MED24: variants seen among roughly 807,000 people sequenced by gnomAD.
The protein encoded by MED24 is mediator complex subunit 24, also known as mediator of RNA polymerase II transcription subunit 24.
Under a neutral mutation model 118.8 loss-of-function variants are expected in MED24, and 74 were observed. That is an observed-to-expected ratio of 0.62 (90% CI 0.52 to 0.76). The LOEUF (loss-of-function observed/expected upper bound fraction) is 0.76, where lower values mean the gene tolerates loss of function less well. Among genes scored for constraint, MED24 ranks in the 30% least tolerant of loss-of-function variants. MED24 has a pLI of 0.00. For synonymous variants in MED24, 521 were observed against 523.9 expected, an observed-to-expected ratio of 0.99 and a Z score of 0.08; for missense variants, 1,041 against 1,278.9, an observed-to-expected ratio of 0.81 and a Z score of 2.84.
In MED24 at chr17:40,019,181, C is replaced by T; in HGVS notation, c.*348G>A. The stretch of plus-strand genomic sequence containing the variant: ...ATATTACAAAATACACACAAACACA[C>T]ACACACACACACACACACACACATA... On this transcript the variant is annotated 3_prime_UTR_variant, in exon 26 of 26. Transcript: ENST00000394128. 4.7e-6 allele frequency: 1 copy of T among 213,200 alleles called. No homozygotes were observed. Among genetic ancestry groups the T allele is most frequent in the South Asian group, 1.1e-4 (1 of 9,192 alleles). The allele number at this position is 213,200 out of a possible 1,614,324, so 13.2% of individuals were successfully genotyped here.
chr17:40,028,038 A>G, intron 14 of MED24, 92 bp from the exon 15 acceptor site: 1 of 1,293,400 alleles, frequency 7.7e-7, no homozygotes, highest in Non-Finnish European at 1.1e-6. Context: ...AGCGATAGCT[A>G]GAGTCTGAGT....
In MED24 at chr17:40,022,031, CA is replaced by C; in HGVS notation, c.2546del (p.Leu849ArgfsTer9). 1 of 1,610,920 alleles carries C rather than the reference CA, an allele frequency of 6.2e-7. No individual in the cohort carries two copies. Among genetic ancestry groups the C allele is most frequent in the Non-Finnish European group, 8.5e-7 (1 of 1,178,444 alleles). On this transcript the variant is annotated frameshift_variant, in exon 23 of 26. Transcript: ENST00000394128. LOFTEE classifies it high-confidence loss of function. ...TCAACTTCGAAGGCTGCACATCGTC[CA>C]GGGGGAAGAGGCTGATATAATCCTA... ...DIEDYISLFPLDDVQPSKLMR... is the reference protein window; with the variant it reads ...DIEDYISLFPXDDVQPSKLMR...
In MED24 at chr17:40,020,290, G is replaced by A. The variant is rs765522083; in HGVS notation, c.2687C>T (p.Pro896Leu). The A allele has an allele frequency of 7.0e-6, 11 of 1,564,444 alleles. No individual in the cohort carries two copies. Among genetic ancestry groups the A allele is most frequent in the Non-Finnish European group, 9.5e-6 (11 of 1,155,716 alleles). ...SQLHTVNMRD[P>L]LNRVLANLFL... Reference sequence around the variant, plus strand: ...GAACTCACCCAGGACTCGGTTCAGAGGGTCCCGCATGTTGACCGTGTGGAG... The same window carrying A: ...GAACTCACCCAGGACTCGGTTCAGAAGGTCCCGCATGTTGACCGTGTGGAG... Residue 896 changes from proline to leucine, a missense_variant, in exon 24 of 26, where the codon CCT (proline) becomes CTT (leucine). Pro to Leu is a moderately conservative substitution (Grantham distance 98). Around this residue, in one of 3 missense-constraint regions of MED24, gnomAD observed 587 missense variants for 694.4 expected, o/e 0.85. Transcript: ENST00000394128.
chr17:40,050,277 C>T (rs772649302), intron 3 of MED24, among the ~76,000 whole-genome samples: 2 of 151,404 alleles, frequency 1.3e-5, no homozygotes, highest in African/African-American at 2.4e-5. Flanking sequence ...AGTAAAACCC[C>T]GTCTCTACTA....
intron 13 of MED24, among the ~76,000 whole-genome samples, chr17:40,029,424 C>T (rs1181739229): frequency 6.6e-6 from 1 of 152,192 alleles, no homozygotes; most frequent in Non-Finnish European, 1.5e-5. Flanking sequence ...TCTCAAACTC[C>T]TGACCTCAAG....
chr17:40,032,265 G>A, intron 9 of MED24, 175 bp from the exon 10 acceptor site: 1 of 694,836 alleles, frequency 1.4e-6, no homozygotes, highest in Non-Finnish European at 2.4e-6. Context: ...CCAGGCCCCT[G>A]ATGCCCCCAG....
At chr17:40,023,868 G>A (rs1294840935) in intron 19 of MED24, among the ~76,000 whole-genome samples, 2 of 152,172 alleles carry the variant, frequency 1.3e-5, no homozygotes, top group Non-Finnish European at 2.9e-5. Context: ...CCTGGTAGCT[G>A]GGCAGATAGA....
chr17:40,037,926 GA>G (rs1984136718), intron 3 of MED24, among the ~76,000 whole-genome samples: 1 of 146,844 alleles, frequency 6.8e-6, no homozygotes, highest in South Asian at 2.2e-4. Context: ...AAAAAAAAAA[GA>G]AATGTCACAC....
chr17:40,023,043 C>T, intron 20 of MED24, 88 bp downstream of exon 20: 1 of 1,522,456 alleles, frequency 6.6e-7, no homozygotes, highest in Non-Finnish European at 8.9e-7. Context: ...TCACGGCAGC[C>T]TCTCAGGGAA....
chr17:40,021,287 G>A (rs1241204067), intron 23 of MED24: 1 of 152,312 alleles, frequency 6.6e-6, no homozygotes, highest in East Asian at 1.9e-4. Flanking sequence ...TCAGTCGCTA[G>A]CTAAAGGTCA....
chr17:40,020,228 C>T (rs781380796), intron 24 of MED24, 45 bp downstream of exon 24: 9 of 1,455,470 alleles, frequency 6.2e-6, no homozygotes, highest in South Asian at 2.8e-5. Flanking sequence ...AAGAGAGACT[C>T]GTCCAGCTTA....
At position 40,048,080 on chromosome 17, in the gene MED24, G is replaced by A. The variant is rs927474088; in HGVS notation, c.213+5218C>T. 1.2e-4 allele frequency among the ~76,000 whole-genome samples: 18 copies of A among 152,188 alleles called. 1 individual carries two copies. Among genetic ancestry groups the A allele is most frequent in the African/African-American group, 2.7e-4 (11 of 41,450 alleles). On this transcript the variant is annotated intron_variant, in intron 3 of 25. Coordinates refer to ENST00000394128, the MANE Select transcript of MED24 (RefSeq NM_014815.4). ...TTAATTAAAATATGTATATTTTTAC[G>A]GAAGTCTTGTCATGTGACGCCTCCA...
At position 40,028,030 on chromosome 17, in the gene MED24, C is replaced by T. The variant is rs117214949; in HGVS notation, c.1410-84G>A. On this transcript the variant is annotated intron_variant, in intron 14 of 25. Transcript: ENST00000394128. ...GCTGGGGCTACACATGTTCAGAGAG[C>T]GATAGCTAGAGTCTGAGTTACTGGT... 23,180 of 1,365,020 alleles carry T rather than the reference C, an allele frequency of 0.017. 3,110 individuals are homozygous for T. In the Admixed American group the frequency reaches 0.26, roughly 16 times the overall value. The allele number at this position is 1,365,020 out of a possible 1,614,324, so 84.6% of individuals were successfully genotyped here.
rs1428541916 is a variant in MED24, at chr17:40,019,920, C to G, written c.2718G>C (p.Leu906=). 2.6e-6 allele frequency: 4 copies of G among 1,566,716 alleles called. No homozygotes were observed. The African/African-American group carries it at 5.4e-5, about 21-fold the overall frequency. The change falls in exon 25 of 26, where the codon CTG becomes CTC. Residue 906 remains leucine (L), a synonymous_variant. Transcript: ENST00000394128. ...GAGACCCCAGGATGGAGGAGATGAGCAGGAACAGGTTGGCTGTAGAGAGTG... is the reference window on the plus strand; with the variant it reads ...GAGACCCCAGGATGGAGGAGATGAGGAGGAACAGGTTGGCTGTAGAGAGTG... ...PLNRVLANLF[L]LISSILGSRT...
intron 3 of MED24, among the ~76,000 whole-genome samples, chr17:40,047,741 T>C (rs1289916833): frequency 1.3e-5 from 2 of 151,736 alleles, no homozygotes; most frequent in Non-Finnish European, 2.9e-5. Context: ...AAGATGTTTG[T>C]ATGTTCTGAG....
In MED24 at chr17:40,035,280, C is replaced by T. The variant is rs1391878831; in HGVS notation, c.396G>A (p.Leu132=). 1.2e-6 allele frequency: 2 copies of T among 1,613,052 alleles called. No individual in the cohort carries two copies. The highest frequency in any genetic ancestry group is 2.2e-5 in the East Asian group (1 of 44,872). The change falls in exon 6 of 26, where the codon CTG becomes CTA. Residue 132 remains leucine (L), a synonymous_variant. Transcript: ENST00000394128. ...RALLSALHWL[L]RCTAASAERL... Reference sequence around the variant, plus strand: ...GCTCTGCAGAGGCTGCCGTGCAGCGCAGCAGCCAGTGGAGGGCGCTAAGAA... The same window carrying T: ...GCTCTGCAGAGGCTGCCGTGCAGCGTAGCAGCCAGTGGAGGGCGCTAAGAA...
Position 40,035,343 on chromosome 17 carries a change from G to GT in MED24, c.332dup (p.His111GlnfsTer16). The GT allele has an allele frequency of 6.3e-7, 1 of 1,584,472 alleles. No homozygotes were observed. Among genetic ancestry groups the GT allele is most frequent in the South Asian group, 1.1e-5 (1 of 89,022 alleles). On this transcript the variant is annotated frameshift_variant, in exon 6 of 26. Coordinates refer to ENST00000394128, the MANE Select transcript of MED24 (RefSeq NM_014815.4). LOFTEE classifies it high-confidence loss of function. ...GTCCGATGCATTCCTCTGCTTTGCCGTGACAGCTACAGGGAAGGATGCAAA... is the reference window on the plus strand; with the variant it reads ...GTCCGATGCATTCCTCTGCTTTGCCGTTGACAGCTACAGGGAAGGATGCAAA...
At chr17:40,021,187 C>G (rs1490001774) in intron 23 of MED24, 1 of 152,590 alleles carries the variant, frequency 6.6e-6, no homozygotes, top group African/African-American at 2.4e-5. Context: ...GGTGAGCACA[C>G]AGGGCCAGGG....
chr17:40,042,096 T>A (rs914737596), intron 3 of MED24, among the ~76,000 whole-genome samples: 2 of 152,186 alleles, frequency 1.3e-5, no homozygotes, highest in African/African-American at 4.8e-5. Flanking sequence ...GATATCCCCA[T>A]CTTCTGTCTT....
Sources: allele counts gnomAD v4.1 joint callset (sites outside exome capture counted in the v4.1 genomes callset), GRCh38; gene constraint gnomAD v4.1.1; regional missense constraint gnomAD v4.1.1; transcripts MANE v1.5; gene names NCBI Gene and HGNC (gene_info 2026-07-23, HGNC 2026-07-21).